The following COL4A5 variants were observed in gnomAD, a reference collection of about 807,000 sequenced individuals.
COL4A5 encodes collagen type IV alpha 5 chain.
COL4A5 carries 26 observed loss-of-function variants against 130.2 expected under a neutral mutation model. The observed-to-expected ratio is 0.20, with a 90% CI of 0.15 to 0.28. The LOEUF is 0.28. COL4A5 is among the 10% of genes least tolerant of loss of function. The probability of loss-of-function intolerance (pLI) is 1.00; values close to 1 mark genes in which losing one functional copy is unlikely to be tolerated. For synonymous variants in COL4A5, 496 were observed against 439.6 expected, an observed-to-expected ratio of 1.13 and a Z score of -1.60; for missense variants, 1,131 against 1,344.3, an observed-to-expected ratio of 0.84 and a Z score of 2.48.
intron 1 of COL4A5, among the ~76,000 whole-genome samples, chrX:108,458,014 G>A (rs942585123): frequency 3.6e-4 from 40 of 111,724 alleles, no homozygotes; most frequent in Admixed American, 9.5e-4. Flanking sequence ...GATATGCTCT[G>A]CCATTTGGTG....
chrX:108,440,249 C>T (rs768981089), intron 1 of COL4A5, 43 bp downstream of exon 1: 1 of 950,118 alleles, frequency 1.1e-6, no homozygotes, highest in Non-Finnish European at 1.5e-6. Flanking sequence ...ACCGCTCTTT[C>T]ACGCTGAAAT....
intron 36 of COL4A5, among the ~76,000 whole-genome samples, chrX:108,634,514 G>T (rs2147890874): frequency 9.0e-6 from 1 of 111,729 alleles, no homozygotes; most frequent in South Asian, 3.7e-4. Context: ...GCTGGAAGCT[G>T]ATCTCAGTTT....
At chrX:108,551,604 T>A (rs2065753937) in intron 2 of COL4A5, among the ~76,000 whole-genome samples, 1 of 112,324 alleles carries the variant, frequency 8.9e-6, no homozygotes, top group South Asian at 3.7e-4. Flanking sequence ...ACTGTAGAAA[T>A]CAGTTTGGAG....
At chrX:108,603,226 C>A in intron 28 of COL4A5, among the ~76,000 whole-genome samples, 165 bp downstream of exon 28, 1 of 96,339 alleles carries the variant, frequency 1.0e-5, no homozygotes, top group Non-Finnish European at 2.1e-5. Flanking sequence ...AACCCCAAAT[C>A]ATCTTTAATA....
chrX:108,601,462 G>C lies in COL4A5; in HGVS notation c.2018G>C (p.Arg673Thr). Reference sequence around the variant, plus strand: ...CCTGGCTTGCCTGGTAACCCAGGCAGAGATGGTGATGTAGGTCTTCCAGGT... The same window carrying C: ...CCTGGCTTGCCTGGTAACCCAGGCACAGATGGTGATGTAGGTCTTCCAGGT... ...GKPGLPGNPG[R>T]DGDVGLPGDP... Residue 673 changes from arginine (R) to threonine (T), a missense_variant, in exon 26 of 53, where the codon AGA (arginine) becomes ACA (threonine). Transcript: ENST00000328300. The C allele has an allele frequency of 1.7e-6, 2 of 1,199,790 alleles. No homozygotes were observed. The highest frequency in any genetic ancestry group is 1.8e-5 in the South Asian group (1 of 56,473).
intron 1 of COL4A5, among the ~76,000 whole-genome samples, chrX:108,451,351 T>C (rs1378318710): frequency 1.8e-5 from 2 of 111,214 alleles, no homozygotes; most frequent in African/African-American, 3.3e-5. Context: ...GTCCTTTGGG[T>C]ATATACCCAG....
At chrX:108,616,805 A>T (rs771702775) in intron 30 of COL4A5, among the ~76,000 whole-genome samples, 10 of 110,258 alleles carry the variant, frequency 9.1e-5, no homozygotes, top group African/African-American at 3.3e-4. Flanking sequence ...CTGTTATATG[A>T]TATATCTGAC....
chrX:108,695,592 C>A, intron 52 of COL4A5, 153 bp downstream of exon 52: 1 of 593,105 alleles, frequency 1.7e-6, no homozygotes, highest in Non-Finnish European at 2.7e-6. Flanking sequence ...ATATACATGA[C>A]TCAGGTCAGA....
At chrX:108,646,721 A>C (rs2067598279) in intron 36 of COL4A5, among the ~76,000 whole-genome samples, 1 of 111,987 alleles carries the variant, frequency 8.9e-6, no homozygotes, top group Non-Finnish European at 1.9e-5. Flanking sequence ...TACGTCTAAC[A>C]TTTAAGTCTT....
intron 2 of COL4A5, among the ~76,000 whole-genome samples, chrX:108,557,165 T>C (rs1417524053): frequency 9.0e-6 from 1 of 111,149 alleles, no homozygotes. Context: ...AATGTACCTG[T>C]TTTCCCCTCA....
At chrX:108,548,649 A>G (rs1053497502) in intron 2 of COL4A5, among the ~76,000 whole-genome samples, 5 of 111,489 alleles carry the variant, frequency 4.5e-5, no homozygotes, top group Non-Finnish European at 7.5e-5. Context: ...CAAGCAAAGT[A>G]AAAACGAAGA....
chrX:108,567,260 T>A (rs984456642), intron 4 of COL4A5, among the ~76,000 whole-genome samples: 6 of 112,336 alleles, frequency 5.3e-5, no homozygotes, highest in Non-Finnish European at 1.1e-4. Context: ...AATTCTTTTC[T>A]CTGTATGGTT....
At chrX:108,630,453 C>T (rs1260502450) in intron 36 of COL4A5, among the ~76,000 whole-genome samples, 1 of 112,134 alleles carries the variant, frequency 8.9e-6, no homozygotes, top group Non-Finnish European at 1.9e-5. Context: ...GCATAAATGT[C>T]TTTTGAGAAG....
At chrX:108,522,767 G>A (rs2065276349) in intron 1 of COL4A5, among the ~76,000 whole-genome samples, 1 of 107,917 alleles carries the variant, frequency 9.3e-6, no homozygotes, top group Non-Finnish European at 1.9e-5. Context: ...AGTGTCCTTT[G>A]AAGCTCAAAC....
intron 1 of COL4A5, among the ~76,000 whole-genome samples, chrX:108,444,556 GA>G (rs1453915835): frequency 9.0e-6 from 1 of 111,651 alleles, no homozygotes; most frequent in Non-Finnish European, 1.9e-5. Context: ...CCCAACTCTG[GA>G]ATCAGAATCT....
chrX:108,684,915 C>T (rs748424725), intron 47 of COL4A5, among the ~76,000 whole-genome samples: 87 of 112,347 alleles, frequency 7.7e-4, no homozygotes, highest in African/African-American at 2.5e-3. Context: ...ACGATTAAGT[C>T]GGCTTCATTG....
chrX:108,479,084 CA>C (rs2064864080), intron 1 of COL4A5, among the ~76,000 whole-genome samples: 1 of 112,319 alleles, frequency 8.9e-6, no homozygotes, highest in African/African-American at 3.2e-5. Flanking sequence ...TTGGTGATGA[CA>C]GGGGTGGCTG....
At position 108,563,887 on chromosome X, in the gene COL4A5, T is replaced by C. The variant is rs749211988; in HGVS notation, c.237T>C (p.Asp79=). ...GPPGPRGQKG[D]DGIPGPPGPK... Reference sequence around the variant, plus strand: ...AAAAATATTGCATTTTTCAGGGTGATGATGGAATTCCAGGGCCACCAGGAC... The same window carrying C: ...AAAAATATTGCATTTTTCAGGGTGACGATGGAATTCCAGGGCCACCAGGAC... The change falls in exon 4 of 53, where the codon GAT becomes GAC. Residue 79 remains aspartate (D), a synonymous_variant. Transcript: ENST00000328300. 8.3e-7 allele frequency: 1 copy of C among 1,205,460 alleles called. No homozygotes were observed. Among genetic ancestry groups the C allele is most frequent in the Non-Finnish European group, 1.1e-6 (1 of 892,386 alleles).
intron 33 of COL4A5, 96 bp downstream of exon 33, chrX:108,622,921 C>A: frequency 1.2e-6 from 1 of 831,301 alleles, no homozygotes; most frequent in Non-Finnish European, 1.7e-6. Context: ...CAGAATTCAC[C>A]AACAAAGGCA....
Sources: allele counts gnomAD v4.1 joint callset (sites outside exome capture counted in the v4.1 genomes callset), GRCh38; gene constraint gnomAD v4.1.1; transcripts MANE v1.5; gene names NCBI Gene and HGNC (gene_info 2026-07-23, HGNC 2026-07-21).